Variants in HPSE2 observed in about 807,000 individuals in gnomAD.
HPSE2 encodes the protein inactive heparanase-2.
HPSE2 carries 38 observed loss-of-function variants against 60.5 expected under a neutral mutation model. The observed-to-expected ratio is 0.63, with a 90% CI of 0.48 to 0.82. The LOEUF (loss-of-function observed/expected upper bound fraction) is 0.82. Among genes scored for constraint, HPSE2 ranks in the 40% least tolerant of loss-of-function variants. The pLI is 0.00. For synonymous variants in HPSE2, 295 were observed against 293.2 expected (o/e 1.01, Z -0.06); for missense variants, 713 against 740.4 (o/e 0.96, Z 0.43).
At chr10:98,480,783 A>G (rs1203933923) in intron 11 of HPSE2, among the ~76,000 whole-genome samples, 1 of 152,276 alleles carries the variant, frequency 6.6e-6, no homozygotes, top group African/African-American at 2.4e-5. Context: ...CCTCTTTGGA[A>G]GAACATTCTT....
intron 3 of HPSE2, among the ~76,000 whole-genome samples, chr10:99,028,092 T>C (rs1957418500): frequency 6.6e-6 from 1 of 152,138 alleles, no homozygotes; most frequent in African/African-American, 2.4e-5. Context: ...ATTTGGAACA[T>C]GACAATGATA....
intron 3 of HPSE2, among the ~76,000 whole-genome samples, chr10:98,897,923 A>G (rs546495434): frequency 9.2e-5 from 14 of 152,260 alleles, no homozygotes; most frequent in African/African-American, 3.4e-4. Flanking sequence ...CTGGGCAAAA[A>G]AGATTTTCAA....
chr10:99,043,300 C>T (rs11189951), intron 3 of HPSE2, among the ~76,000 whole-genome samples: 12,411 of 151,934 alleles, frequency 0.082, 614 homozygotes, highest in South Asian at 0.18. Context: ...CTGGCTAACA[C>T]GGTGAAACCC....
the HPSE2 span, among the ~76,000 whole-genome samples, chr10:99,275,161 T>C: frequency 0.046 from 7,034 of 152,294 alleles, 219 homozygotes; most frequent in Non-Finnish European, 0.071. Context: ...CAAAAATATC[T>C]GGGAAGAGAA....
intron 4 of HPSE2, among the ~76,000 whole-genome samples, chr10:98,737,736 G>C (rs1048256471): frequency 6.6e-6 from 1 of 152,096 alleles, no homozygotes; most frequent in African/African-American, 2.4e-5. Flanking sequence ...TTGCTACAAA[G>C]AGAAAAAACC....
intron 3 of HPSE2, among the ~76,000 whole-genome samples, chr10:98,886,557 G>C (rs962921337): frequency 1.3e-5 from 2 of 151,254 alleles, no homozygotes; most frequent in Non-Finnish European, 3.0e-5. Flanking sequence ...CCATAGAGAA[G>C]GCTCATGGCA....
chr10:98,566,545 A>G (rs538364076), intron 9 of HPSE2, among the ~76,000 whole-genome samples: 2 of 152,346 alleles, frequency 1.3e-5, no homozygotes, highest in African/African-American at 2.4e-5. Flanking sequence ...GGGACACAGA[A>G]GCAACCATGG....
chr10:98,551,088 G>T (rs1464421592), intron 9 of HPSE2, among the ~76,000 whole-genome samples: 2 of 152,196 alleles, frequency 1.3e-5, no homozygotes. Context: ...GGGTGAGGGG[G>T]TGGGAAAGGG....
At chr10:98,674,213 C>T (rs1247242739) in intron 6 of HPSE2, among the ~76,000 whole-genome samples, 1 of 152,236 alleles carries the variant, frequency 6.6e-6, no homozygotes, top group African/African-American at 2.4e-5. Context: ...ATACAGTATA[C>T]TACACAAAAC....
At chr10:98,657,262 T>C (rs1042684074) in intron 6 of HPSE2, among the ~76,000 whole-genome samples, 5 of 151,954 alleles carry the variant, frequency 3.3e-5, no homozygotes, top group Admixed American at 2.0e-4. Context: ...TAGCCCTTAT[T>C]TATACAAAGC....
intron 3 of HPSE2, among the ~76,000 whole-genome samples, chr10:98,995,708 A>T (rs894208206): frequency 6.6e-6 from 1 of 152,218 alleles, no homozygotes; most frequent in Admixed American, 6.5e-5. Context: ...ATATCTGACA[A>T]AATTATATCC....
At chr10:98,589,154 C>A (rs754014392) in intron 9 of HPSE2, among the ~76,000 whole-genome samples, 12 of 151,980 alleles carry the variant, frequency 7.9e-5, no homozygotes, top group Non-Finnish European at 1.8e-4. Flanking sequence ...CCAAGGTACA[C>A]ATCTGGCACA....
chr10:98,978,090 T>C (rs905182714), intron 3 of HPSE2, among the ~76,000 whole-genome samples: 2 of 152,078 alleles, frequency 1.3e-5, no homozygotes, highest in African/African-American at 4.8e-5. Flanking sequence ...AGAGCCAGGA[T>C]TTGAAACACG....
At position 98,459,058 on chromosome 10, in the gene HPSE2, T is replaced by G; in HGVS notation, c.*516A>C. ...GGCTGACACACCCATTACTCCCCTATGGAAAGAGATGTGTCAAAAAACTCA... is the reference window on the plus strand; with the variant it reads ...GGCTGACACACCCATTACTCCCCTAGGGAAAGAGATGTGTCAAAAAACTCA... On this transcript the variant is annotated 3_prime_UTR_variant, in exon 12 of 12. Coordinates refer to ENST00000370552, the MANE Select transcript of HPSE2 (RefSeq NM_021828.5). 4.9e-6 allele frequency: 1 copy of G among 204,960 alleles called. No individual in the cohort carries two copies. 12.7% of individuals were successfully genotyped at this position (204,960 alleles called of 1,614,324 possible). A position where few individuals can be genotyped will look rare whatever the true frequency, so the allele number is the denominator to read the frequency against.
At chr10:98,488,569 AT>A (rs55999451) in intron 10 of HPSE2, among the ~76,000 whole-genome samples, 2 of 152,144 alleles carry the variant, frequency 1.3e-5, no homozygotes, top group Non-Finnish European at 2.9e-5. Flanking sequence ...GGCTGCAGAT[AT>A]TTTTTCCCCC....
chr10:98,476,347 G>A, intron 11 of HPSE2, among the ~76,000 whole-genome samples: 1 of 145,156 alleles, frequency 6.9e-6, no homozygotes, highest in Non-Finnish European at 1.5e-5. Flanking sequence ...GGGAGGGATA[G>A]CATTAGGAGA....
At chr10:98,833,811 C>T (rs1299132052) in intron 3 of HPSE2, among the ~76,000 whole-genome samples, 5 of 152,030 alleles carry the variant, frequency 3.3e-5, no homozygotes. Context: ...GAGCCTAGAC[C>T]TTTAAAACAT....
At chr10:99,135,847 A>C (rs1329276992) in intron 3 of HPSE2, among the ~76,000 whole-genome samples, 1 of 152,138 alleles carries the variant, frequency 6.6e-6, no homozygotes, top group East Asian at 1.9e-4. Flanking sequence ...AGCAACAGCA[A>C]ACAAATTCAA....
At chr10:98,596,273 A>G (rs1379509275) in intron 9 of HPSE2, among the ~76,000 whole-genome samples, 2 of 152,280 alleles carry the variant, frequency 1.3e-5, no homozygotes, top group South Asian at 2.1e-4. Flanking sequence ...TTGATACAAC[A>G]ATTTAAATAT....
Sources: allele counts gnomAD v4.1 joint callset (sites outside exome capture counted in the v4.1 genomes callset), GRCh38; gene constraint gnomAD v4.1.1; transcripts MANE v1.5; gene names NCBI Gene and HGNC (gene_info 2026-07-23, HGNC 2026-07-21).